AGBL3: variants seen among roughly 807,000 people sequenced by gnomAD.
The protein encoded by AGBL3 is cytosolic carboxypeptidase 3.
Under a neutral mutation model 94.5 loss-of-function variants are expected in AGBL3, and 68 were observed. The observed-to-expected ratio is 0.72, with a 90% CI of 0.59 to 0.88. The LOEUF is 0.88. Ranked by LOEUF, AGBL3 falls within the 40% of genes least tolerant of loss-of-function variation. The pLI is 0.00. For missense variants in AGBL3, 934 were observed against 1,103.8 expected (o/e 0.85, Z 2.18); for synonymous variants, 354 against 370.7 (o/e 0.95, Z 0.52).
At chr7:135,115,865 G>A in intron 16 of AGBL3, 1 of 364,682 alleles carries the variant, frequency 2.7e-6, no homozygotes, top group Non-Finnish European at 5.0e-6. Context: ...AATAAAGTAG[G>A]CATAAATAAA....
At chr7:134,991,187 C>T (rs1208963115) in intron 3 of AGBL3, among the ~76,000 whole-genome samples, 2 of 101,498 alleles carry the variant, frequency 2.0e-5, no homozygotes, top group Non-Finnish European at 3.6e-5. Flanking sequence ...TGAGCTGAGA[C>T]ATTTGTGTGT....
At chr7:135,122,896 C>T (rs918472450) in intron 16 of AGBL3, among the ~76,000 whole-genome samples, 4 of 152,096 alleles carry the variant, frequency 2.6e-5, no homozygotes, top group South Asian at 2.1e-4. Context: ...CAAGGATCAG[C>T]GCCTCAAAGA....
chr7:135,115,496 C>G lies in AGBL3; in HGVS notation c.2227C>G (p.Gln743Glu), dbSNP rs964426294. The G allele has an allele frequency of 1.3e-6, 2 of 1,551,208 alleles. No individual in the cohort carries two copies. The highest frequency in any genetic ancestry group is 2.7e-5 in the African/African-American group (2 of 73,024). The change falls in exon 16 of 17, where the codon CAA (glutamine) becomes GAA (glutamate). Residue 743 changes from glutamine (Q) to glutamate (E), a missense_variant. Coordinates refer to ENST00000436302, the MANE Select transcript of AGBL3 (RefSeq NM_178563.4). ...AAGCTACAAGGATAAAGGAATAGTT[C>G]AAACTCAAGAAATATTGCAGTATTT... is the stretch of plus-strand genomic sequence containing the variant. ...KRSYKDKGIV[Q>E]TQEILQYLLP...
rs1295556026 is a variant in AGBL3, at chr7:135,135,164, A to G, written c.2666A>G (p.Lys889Arg). ...GAAGAAACTAACCAGCAAAGCTCTA[A>G]GCATACAGCCCTCCATCTAACTAAA... ...QAEETNQQSS[K>R]HTALHLTKNK... is the part of the protein sequence containing the mutation. The change falls in exon 17 of 17, where the codon AAG (lysine) becomes AGG (arginine). Residue 889 changes from lysine (K) to arginine (R), a missense_variant. Lys to Arg is a conservative substitution (Grantham distance 26). Around this residue, in one of 3 missense-constraint regions of AGBL3, gnomAD observed 441 missense variants for 518.2 expected, o/e 0.85. Transcript: ENST00000436302. 1.3e-6 allele frequency: 2 copies of G among 1,551,002 alleles called. No homozygotes were observed. The highest frequency in any genetic ancestry group is 2.7e-5 in the African/African-American group (2 of 73,014).
chr7:135,071,493 A>G (rs1259135223), intron 12 of AGBL3, among the ~76,000 whole-genome samples: 1 of 152,160 alleles, frequency 6.6e-6, no homozygotes, highest in Admixed American at 6.5e-5. Flanking sequence ...GACGCATCAC[A>G]CTACCTGACT....
chr7:135,111,484 A>G (rs2117141633), intron 15 of AGBL3, among the ~76,000 whole-genome samples: 1 of 152,270 alleles, frequency 6.6e-6, no homozygotes, highest in Admixed American at 6.5e-5. Context: ...CACAATAGCT[A>G]TTGTGCATCC....
chr7:135,129,155 C>T (rs914695604), intron 16 of AGBL3: 1 of 1,476,274 alleles, frequency 6.8e-7, no homozygotes, highest in African/African-American at 1.4e-5. Flanking sequence ...GCCTTCTCCT[C>T]CAGTCCACCT....
intron 15 of AGBL3, among the ~76,000 whole-genome samples, chr7:135,110,043 G>A (rs1825384697): frequency 6.6e-6 from 1 of 152,066 alleles, no homozygotes. Context: ...TAGGGTGGCT[G>A]CACCAAAGGC....
At chr7:135,022,377 T>C (rs988247404) in intron 5 of AGBL3, among the ~76,000 whole-genome samples, 9 of 152,254 alleles carry the variant, frequency 5.9e-5, no homozygotes, top group Non-Finnish European at 8.8e-5. Flanking sequence ...TGTGAGATGG[T>C]ATCTCATTGT....
At chr7:135,063,537 C>T (rs1028317407) in intron 12 of AGBL3, among the ~76,000 whole-genome samples, 2 of 151,804 alleles carry the variant, frequency 1.3e-5, no homozygotes, top group Admixed American at 1.3e-4. Context: ...CTTAGAACTG[C>T]TTTTGCTGCA....
rs78137587 is a variant in AGBL3 at position 135,039,923 on chromosome 7, A to C, written c.1500+2343A>C. On this transcript the variant is annotated intron_variant, in intron 8 of 16. Coordinates refer to ENST00000436302, the MANE Select transcript of AGBL3 (RefSeq NM_178563.4). Reference sequence around the variant, plus strand: ...CATTTGTGCTTGGAAAAGATTGGTAAAACTGACAAAACTTTACCAAGATTG... The same window carrying C: ...CATTTGTGCTTGGAAAAGATTGGTACAACTGACAAAACTTTACCAAGATTG... Among the ~76,000 whole-genome samples, 48 of 152,232 alleles carry C rather than the reference A, an allele frequency of 3.2e-4. No homozygotes were observed. The East Asian group carries it at 8.9e-3, about 28-fold the overall frequency.
At chr7:135,108,870 T>C (rs1825177020) in intron 15 of AGBL3, among the ~76,000 whole-genome samples, 1 of 152,226 alleles carries the variant, frequency 6.6e-6, no homozygotes. Context: ...TCAGAGGTTT[T>C]GTTCATTCCT....
At chr7:135,131,760 T>C (rs536745924) in intron 16 of AGBL3, among the ~76,000 whole-genome samples, 192 of 151,988 alleles carry the variant, frequency 1.3e-3, no homozygotes, top group Non-Finnish European at 2.3e-3. Context: ...GTGAAACAAC[T>C]GGTTGTTTGA....
intron 11 of AGBL3, among the ~76,000 whole-genome samples, chr7:135,054,891 A>G (rs1818200266): frequency 6.6e-6 from 1 of 152,232 alleles, no homozygotes; most frequent in Admixed American, 6.5e-5. Context: ...GGTAATTTAT[A>G]AAGAAAACAG....
intron 16 of AGBL3, among the ~76,000 whole-genome samples, chr7:135,133,248 G>A (rs1829046122): frequency 6.6e-6 from 1 of 152,180 alleles, no homozygotes; most frequent in Admixed American, 6.5e-5. Flanking sequence ...GGGTTTCTAT[G>A]CTGAAAAGTA....
intron 12 of AGBL3, 147 bp from the exon 13 acceptor site, chr7:135,076,250 A>G: frequency 1.6e-6 from 1 of 615,274 alleles, no homozygotes. Context: ...CTTATATGAT[A>G]CCCAGAATTT....
At chr7:134,993,752 C>T in intron 4 of AGBL3, 74 bp downstream of exon 4, 2 of 1,238,246 alleles carry the variant, frequency 1.6e-6, no homozygotes, top group Non-Finnish European at 2.1e-6. Context: ...AATGAGGAGA[C>T]TCACAATGTT....
chr7:135,106,788 G>C (rs1824790214), intron 15 of AGBL3, among the ~76,000 whole-genome samples: 1 of 152,172 alleles, frequency 6.6e-6, no homozygotes, highest in Non-Finnish European at 1.5e-5. Flanking sequence ...AGTAGGAATG[G>C]TACCAGCTCG....
chr7:135,129,413 G>A, intron 16 of AGBL3: 4 of 802,658 alleles, frequency 5.0e-6, no homozygotes, highest in Non-Finnish European at 9.1e-6. Flanking sequence ...ATGATAAGAG[G>A]GTGATTCAGA....
Sources: allele counts gnomAD v4.1 joint callset (sites outside exome capture counted in the v4.1 genomes callset), GRCh38; gene constraint gnomAD v4.1.1; regional missense constraint gnomAD v4.1.1; transcripts MANE v1.5; gene names NCBI Gene and HGNC (gene_info 2026-07-23, HGNC 2026-07-21).